LPP: variants seen among roughly 807,000 people sequenced by gnomAD.
LPP encodes the protein lipoma-preferred partner.
Under a neutral mutation model 60.4 loss-of-function variants are expected in LPP, and 38 were observed. The observed-to-expected ratio is 0.63, with a 90% confidence interval of 0.49 to 0.83. The LOEUF (loss-of-function observed/expected upper bound fraction) is 0.83. Among genes scored for constraint, LPP ranks in the 40% least tolerant of loss-of-function variants. The pLI is 0.00. For missense variants in LPP, 902 were observed against 783.6 expected (o/e 1.15, Z -1.80); for synonymous variants, 328 against 290.8 (o/e 1.13, Z -1.30).
At chr3:188,780,429 A>G (rs890105001) in intron 9 of LPP, among the ~76,000 whole-genome samples, 3 of 152,154 alleles carry the variant, frequency 2.0e-5, no homozygotes, top group African/African-American at 7.2e-5. Flanking sequence ...GAAATGGAGG[A>G]GGCACAGTTT....
chr3:188,382,625 C>T (rs73050744), intron 3 of LPP, among the ~76,000 whole-genome samples: 10 of 152,264 alleles, frequency 6.6e-5, no homozygotes, highest in South Asian at 6.2e-4. Flanking sequence ...GGATTTTAAA[C>T]GCCTTTGGAC....
Position 188,371,641 on chromosome 3 carries a change from A to ATTTTTTTTT in LPP, c.-10+29944_-10+29952dup, listed in dbSNP as rs1158606459. On this transcript the variant is annotated intron_variant, in intron 3 of 11. Coordinates refer to ENST00000617246, the MANE Select transcript of LPP (RefSeq NM_001375462.1). ...AATATATATATATATATATATATAT[A>ATTTTTTTTT]TTTTTTTTTTTTTTTTTTTTTTTTT... is the stretch of plus-strand genomic sequence containing the variant. 1.9e-4 allele frequency among the ~76,000 whole-genome samples: 6 copies of ATTTTTTTTT among 32,172 alleles called. 1 individual carries two copies. Among genetic ancestry groups the ATTTTTTTTT allele is most frequent in the East Asian group, 1.7e-3 (1 of 602 alleles). 21.1% of individuals were successfully genotyped at this position (32,172 alleles called of 152,430 possible). A position where few individuals can be genotyped will look rare whatever the true frequency, so the allele number is the denominator to read the frequency against.
chr3:188,633,902 A>T (rs1448018556), intron 7 of LPP, among the ~76,000 whole-genome samples: 2 of 152,122 alleles, frequency 1.3e-5, no homozygotes, highest in Admixed American at 1.3e-4. Context: ...TAACCTTCTG[A>T]TCTCATTTTT....
chr3:188,757,542 T>A (rs1451130511), intron 8 of LPP, among the ~76,000 whole-genome samples: 1 of 152,200 alleles, frequency 6.6e-6, no homozygotes, highest in Non-Finnish European at 1.5e-5. Context: ...TACCAATAGT[T>A]TAATGAGAAC....
intron 9 of LPP, among the ~76,000 whole-genome samples, chr3:188,804,349 C>CTAGG (rs1748428574): frequency 7.3e-6 from 1 of 136,428 alleles, no homozygotes. Context: ...ATGGATAGAA[C>CTAGG]TAGGGGTCGT....
chr3:188,233,424 T>C (rs889817994), intron 2 of LPP, among the ~76,000 whole-genome samples: 2 of 152,202 alleles, frequency 1.3e-5, no homozygotes, highest in African/African-American at 4.8e-5. Context: ...TGGGTCCTTT[T>C]TGGACTTCTT....
intron 7 of LPP, among the ~76,000 whole-genome samples, chr3:188,666,086 A>C (rs1855738949): frequency 6.6e-6 from 1 of 152,220 alleles, no homozygotes; most frequent in Non-Finnish European, 1.5e-5. Flanking sequence ...CCAGATACTA[A>C]TATCAAGGAC....
intron 7 of LPP, among the ~76,000 whole-genome samples, chr3:188,648,978 T>C (rs1020011864): frequency 4.6e-5 from 7 of 152,208 alleles, no homozygotes; most frequent in Non-Finnish European, 1.0e-4. Context: ...GAAAAGAGTG[T>C]TTGCTTGATT....
intron 6 of LPP, among the ~76,000 whole-genome samples, chr3:188,533,341 A>T (rs189559411): frequency 1.2e-4 from 19 of 152,320 alleles, no homozygotes; most frequent in Non-Finnish European, 1.3e-4. Context: ...CAACATGCTG[A>T]TACTGTGTGA....
rs1818532347 is a variant in LPP at position 188,520,345 on chromosome 3, G to A, written c.307-4320G>A. Among the ~76,000 whole-genome samples the A allele has an allele frequency of 2.0e-5, 3 of 152,310 alleles. No homozygotes were observed. In the South Asian group the frequency reaches 6.2e-4, roughly 32 times the overall value. On this transcript the variant is annotated intron_variant, in intron 5 of 11. Coordinates refer to ENST00000617246, the MANE Select transcript of LPP (RefSeq NM_001375462.1). Reference sequence around the variant, plus strand: ...CTACAGCGATCAGCTCTGCACAGGTGTGACCTGGTAGCACTTGGCTTCAAC... The same window carrying A: ...CTACAGCGATCAGCTCTGCACAGGTATGACCTGGTAGCACTTGGCTTCAAC...
chr3:188,883,732 CAAAAAAAAAAAA>C lies in LPP; in HGVS notation c.*9264_*9275del. 1.5e-5 allele frequency: 1 copy of C among 67,394 alleles called. No individual in the cohort carries two copies. Among genetic ancestry groups the C allele is most frequent in the South Asian group, 8.1e-4 (1 of 1,228 alleles). 4.2% of individuals were successfully genotyped at this position (67,394 alleles called of 1,614,324 possible). ...TGGGCGACAGAACGAGACTCCGTCT[CAAAAAAAAAAAA>C]AAAAAAAAAAGGTTGGGAAATATTG... On this transcript the variant is annotated 3_prime_UTR_variant, in exon 12 of 12. Coordinates refer to ENST00000617246, the MANE Select transcript of LPP (RefSeq NM_001375462.1).
intron 9 of LPP, among the ~76,000 whole-genome samples, chr3:188,859,144 C>G (rs1764578044): frequency 6.6e-6 from 1 of 151,056 alleles, no homozygotes; most frequent in Admixed American, 6.6e-5. Context: ...TATTGAGTTC[C>G]CCTTCATCAG....
At chr3:188,571,212 G>C (rs1833464547) in intron 6 of LPP, among the ~76,000 whole-genome samples, 1 of 152,014 alleles carries the variant, frequency 6.6e-6, no homozygotes, top group Non-Finnish European at 1.5e-5. Flanking sequence ...GTTTAGTAGT[G>C]GTGATTTCTT....
At chr3:188,714,883 C>T (rs1713156826) in intron 8 of LPP, among the ~76,000 whole-genome samples, 1 of 152,062 alleles carries the variant, frequency 6.6e-6, no homozygotes, top group South Asian at 2.1e-4. Flanking sequence ...CTAAACACTA[C>T]CCTGTAGAGG....
chr3:188,450,432 A>T (rs1796313047), intron 4 of LPP, among the ~76,000 whole-genome samples: 1 of 152,142 alleles, frequency 6.6e-6, no homozygotes, highest in Non-Finnish European at 1.5e-5. Context: ...TATCTATATG[A>T]TCAGCATAAT....
At chr3:188,513,481 A>G (rs778333926) in intron 5 of LPP, among the ~76,000 whole-genome samples, 1 of 151,848 alleles carries the variant, frequency 6.6e-6, no homozygotes, top group African/African-American at 2.4e-5. Context: ...CCAAATATCT[A>G]TTTTACTGTC....
chr3:188,838,656 C>T (rs1448205682), intron 9 of LPP, among the ~76,000 whole-genome samples: 1 of 152,106 alleles, frequency 6.6e-6, no homozygotes, highest in East Asian at 1.9e-4. Context: ...CACATACACG[C>T]CATGGAATAC....
Position 188,888,267 on chromosome 3 carries a change from CT to C in LPP, c.*13791del, listed in dbSNP as rs35003705. 7,775 of 225,332 alleles carry C rather than the reference CT, an allele frequency of 0.035. 170 individuals carry two copies. Among genetic ancestry groups the C allele is most frequent in the Non-Finnish European group, 0.051 (5,732 of 112,942 alleles). 14.0% of individuals were successfully genotyped at this position (225,332 alleles called of 1,614,324 possible). The stretch of plus-strand genomic sequence containing the variant: ...CATACAAAAAAGGAAAGGGAAAGGA[CT>C]TTCTAAGTAGCAAATCTGTGCCATG... On this transcript the variant is annotated 3_prime_UTR_variant, in exon 12 of 12. Transcript: ENST00000617246.
At chr3:188,251,666 T>C (rs1325019639) in intron 2 of LPP, among the ~76,000 whole-genome samples, 1 of 152,098 alleles carries the variant, frequency 6.6e-6, no homozygotes, top group East Asian at 1.9e-4. Flanking sequence ...GAGGATTTGC[T>C]TATGGTGCTC....
Sources: gnomAD v4.1 joint callset for allele counts (sites outside exome capture counted in the v4.1 genomes callset) on GRCh38, gnomAD v4.1.1 for gene constraint, MANE v1.5 for transcripts, NCBI Gene and HGNC (gene_info 2026-07-23, HGNC 2026-07-21) for gene names.